Variants in ALDH4A1 observed in about 807,000 individuals in gnomAD.
ALDH4A1 encodes delta-1-pyrroline-5-carboxylate dehydrogenase, mitochondrial.
Under a neutral mutation model 70.5 loss-of-function variants are expected in ALDH4A1, and 46 were observed. The observed-to-expected ratio is 0.65, with a 90% confidence interval of 0.51 to 0.83. The LOEUF is 0.83. ALDH4A1 is among the 40% of genes least tolerant of loss of function. The probability of loss-of-function intolerance (pLI) is 0.00; values close to 1 mark genes in which losing one functional copy is unlikely to be tolerated. For synonymous variants in ALDH4A1, 323 were observed against 324.3 expected, an observed-to-expected ratio of 1.00 and a Z score of 0.04; for missense variants, 749 against 766.5, an observed-to-expected ratio of 0.98 and a Z score of 0.27.
rs1318513990 is a variant in ALDH4A1 at position 18,898,152 on chromosome 1, C to T, written c.62+4310G>A. Among the ~76,000 whole-genome samples the T allele has an allele frequency of 2.0e-5, 3 of 148,552 alleles. No individual in the cohort carries two copies. Among genetic ancestry groups the T allele is most frequent in the Admixed American group, 1.3e-4 (2 of 14,980 alleles). ...CCAACATGGTGAAACCCCGTCTCTACGAAAAAAAAAAAATACAAAAATTAG... is the reference window on the plus strand; with the variant it reads ...CCAACATGGTGAAACCCCGTCTCTATGAAAAAAAAAAAATACAAAAATTAG... On this transcript the variant is annotated intron_variant, in intron 1 of 14. Coordinates refer to ENST00000375341, the MANE Select transcript of ALDH4A1 (RefSeq NM_003748.4). The surrounding 1 kb of genome is among the most constrained non-coding windows in gnomAD (Gnocchi z 4.3).
Position 18,881,889 on chromosome 1 carries a change from T to A in ALDH4A1, c.679-2A>T. ...GGGCTTCCATAGGACCACGTTGCCC[T>A]GCCCGGGAGGTGTTTCAGTGATGCA... is the stretch of plus-strand genomic sequence containing the variant. On this transcript the variant is annotated splice_acceptor_variant, in intron 7 of 14. Coordinates refer to ENST00000375341, the MANE Select transcript of ALDH4A1 (RefSeq NM_003748.4). LOFTEE classifies it high-confidence loss of function. 5.6e-6 allele frequency: 9 copies of A among 1,612,962 alleles called. No homozygotes were observed. The highest frequency in any genetic ancestry group is 7.6e-6 in the Non-Finnish European group (9 of 1,179,942).
At chr1:18,885,441 G>GCCCCCCCCCC (rs1935155934) in intron 5 of ALDH4A1, 32 bp downstream of exon 5, 2 of 423,746 alleles carry the variant, frequency 4.7e-6, no homozygotes, top group Non-Finnish European at 7.7e-6. Flanking sequence ...ACCCCACCCC[G>GCCCCCCCCCC]CCCCACCCAC....
At chr1:18,877,757 G>T in intron 9 of ALDH4A1, 145 bp from the exon 10 acceptor site, 3 of 982,768 alleles carry the variant, frequency 3.1e-6, no homozygotes, top group South Asian at 3.1e-5. Context: ...CAGAGTGAGC[G>T]CTGGCCAACA....
chr1:18,886,427 C>A, intron 4 of ALDH4A1, 37 bp downstream of exon 4: 3 of 1,612,650 alleles, frequency 1.9e-6, no homozygotes, highest in Non-Finnish European at 2.5e-6. Context: ...GGGCAGCAAC[C>A]CTAACCCCGG....
At chr1:18,889,611 C>T (rs1394006682) in intron 2 of ALDH4A1, among the ~76,000 whole-genome samples, 157 bp from the exon 3 acceptor site, 1 of 152,180 alleles carries the variant, frequency 6.6e-6, no homozygotes, top group Non-Finnish European at 1.5e-5. Flanking sequence ...ATGTGCTGCC[C>T]TCGGGGACAG....
intron 1 of ALDH4A1, among the ~76,000 whole-genome samples, chr1:18,895,160 G>T (rs1239025815): frequency 6.6e-6 from 1 of 152,198 alleles, no homozygotes; most frequent in Non-Finnish European, 1.5e-5. Context: ...GCCTGGCTCT[G>T]GGAGGCAGAT....
Position 18,877,495 on chromosome 1 carries a change from C to CG in ALDH4A1, c.1057dup (p.Arg353ProfsTer41), listed in dbSNP as rs750973043. 2 of 1,605,578 alleles carry CG rather than the reference C, an allele frequency of 1.2e-6. No homozygotes were observed. The highest frequency in any genetic ancestry group is 3.4e-5 in the Admixed American group (2 of 59,122). On this transcript the variant is annotated frameshift_variant, in exon 10 of 15. Coordinates refer to ENST00000375341, the MANE Select transcript of ALDH4A1 (RefSeq NM_003748.4). LOFTEE classifies it high-confidence loss of function. ...CCACAGCGAGTGCGGCACGTAGAGA[C>CG]GCGAGCACGCGGAACACTTCTGGCC...
intron 13 of ALDH4A1, 69 bp from the exon 14 acceptor site, chr1:18,874,650 C>T (rs1422399963): frequency 1.5e-5 from 22 of 1,472,420 alleles, no homozygotes; most frequent in Non-Finnish European, 2.1e-5. Flanking sequence ...CCAGCCTCAA[C>T]ACCCCTGCTC....
Position 18,874,549 on chromosome 1 carries a change from C to T in ALDH4A1, c.1493G>A (p.Arg498Lys). The change falls in exon 14 of 15, where the codon AGG becomes AAG. Residue 498 changes from arginine to lysine, a missense_variant. Physicochemically the swap from Arg to Lys is conservative, Grantham distance 26. Transcript: ENST00000375341. ...GATGTAGAAGTTGCCGGCAGCATTCCTCAGCACCTTTGTGGCCTCCTGCAC... is the reference window on the plus strand; with the variant it reads ...GATGTAGAAGTTGCCGGCAGCATTCTTCAGCACCTTTGTGGCCTCCTGCAC... The part of the protein sequence containing the change: ...DVVQEATKVL[R>K]NAAGNFYIND... The T allele has an allele frequency of 6.2e-7, 1 of 1,614,248 alleles. No individual in the cohort carries two copies. Among genetic ancestry groups the T allele is most frequent in the Non-Finnish European group, 8.5e-7 (1 of 1,180,032 alleles).
rs111526409 is a variant in ALDH4A1 at position 18,874,683 on chromosome 1, T to A, written c.1461-102A>T. 5.2e-3 allele frequency: 6,400 copies of A among 1,223,424 alleles called. 218 individuals carry two copies. In the African/African-American group the frequency reaches 0.081, roughly 15 times the overall value. 75.8% of individuals were successfully genotyped at this position (1,223,424 alleles called of 1,614,324 possible). The stretch of plus-strand genomic sequence containing the variant: ...CTCCAGCCCACACTGGCTTTCCAGG[T>A]TCAACAGGAGGCCGAGTCAGGGATG... On this transcript the variant is annotated intron_variant, in intron 13 of 14. Transcript: ENST00000375341.
chr1:18,890,979 G>A (rs935943941), intron 1 of ALDH4A1: 24 of 829,330 alleles, frequency 2.9e-5, no homozygotes, highest in East Asian at 1.2e-4. Flanking sequence ...TCACAGCCCC[G>A]GGAGGGCTGG....
intron 8 of ALDH4A1, among the ~76,000 whole-genome samples, chr1:18,881,352 C>T (rs1220121199): frequency 6.6e-6 from 1 of 152,192 alleles, no homozygotes; most frequent in Non-Finnish European, 1.5e-5. Flanking sequence ...TTCCTGACTC[C>T]TCCAGTTCAT....
intron 3 of ALDH4A1, among the ~76,000 whole-genome samples, chr1:18,887,250 G>A (rs1935238121): frequency 6.6e-6 from 1 of 152,278 alleles, no homozygotes; most frequent in Non-Finnish European, 1.5e-5. Context: ...CTCAGGCCAT[G>A]AGAACCATCC....
chr1:18,886,989 G>A (rs577324621), intron 3 of ALDH4A1, among the ~76,000 whole-genome samples: 6 of 152,314 alleles, frequency 3.9e-5, no homozygotes, highest in South Asian at 2.1e-4. Flanking sequence ...ATGAGGCTGC[G>A]ACTATGGGCA....
At chr1:18,883,646 C>T (rs1005204076) in intron 5 of ALDH4A1, among the ~76,000 whole-genome samples, 1 of 152,188 alleles carries the variant, frequency 6.6e-6, no homozygotes, top group South Asian at 2.1e-4. Context: ...CTGGGCTGGA[C>T]GGGGATCAGA....
chr1:18,890,601 C>T, intron 1 of ALDH4A1: 1 of 821,802 alleles, frequency 1.2e-6, no homozygotes, highest in Non-Finnish European at 1.5e-6. Context: ...GTTCAAGTCC[C>T]AGTCCCACGG....
At chr1:18,873,816 T>C (rs531230415) in intron 14 of ALDH4A1, among the ~76,000 whole-genome samples, 110 of 152,368 alleles carry the variant, frequency 7.2e-4, no homozygotes, top group Middle Eastern at 3.4e-3. Context: ...TGAGCTGTTC[T>C]AACAACGTAT....
At chr1:18,876,917 G>A (rs971501040) in intron 11 of ALDH4A1, among the ~76,000 whole-genome samples, 2 of 152,248 alleles carry the variant, frequency 1.3e-5, no homozygotes, top group South Asian at 2.1e-4. Context: ...GGAGCCACAC[G>A]GAGCCCTATA....
In ALDH4A1 at chr1:18,872,832, GC is replaced by G. The variant is rs774289867; in HGVS notation, c.*12del. 1.1e-5 allele frequency: 17 copies of G among 1,607,628 alleles called. No individual in the cohort carries two copies. In the South Asian group the frequency reaches 1.8e-4, roughly 17 times the overall value. On this transcript the variant is annotated 3_prime_UTR_variant, in exon 15 of 15. Coordinates refer to ENST00000375341, the MANE Select transcript of ALDH4A1 (RefSeq NM_003748.4). ...GACGGACAGACAGCTGGACGGTGGA[GC>G]CCGAGAGGGGCTCACTGCATGTACG...
Sources: gnomAD v4.1 joint callset for allele counts (sites outside exome capture counted in the v4.1 genomes callset) on GRCh38, gnomAD v4.1.1 for gene constraint, Gnocchi (gnomAD v3.1) non-coding constraint, MANE v1.5 for transcripts, NCBI Gene and HGNC (gene_info 2026-07-23, HGNC 2026-07-21) for gene names.